MNAT1: variants seen among roughly 807,000 people sequenced by gnomAD.
The protein encoded by MNAT1 is CDK-activating kinase assembly factor MAT1.
A neutral mutation model predicts 42.0 loss-of-function variants in MNAT1; 43 were observed. The observed-to-expected ratio is 1.02, with a 90% CI of 0.80 to 1.32. MNAT1 has a LOEUF of 1.32. MNAT1 is among the 40% of genes most tolerant of loss of function. The probability of loss-of-function intolerance (pLI) is 0.00; values close to 1 mark genes in which losing one functional copy is unlikely to be tolerated. For missense variants in MNAT1, 306 were observed against 350.4 expected (o/e 0.87, Z 1.01); for synonymous variants, 118 against 120.0 (o/e 0.98, Z 0.11).
chr14:60,839,427 G>C (rs1377090594), intron 6 of MNAT1, among the ~76,000 whole-genome samples: 3 of 152,164 alleles, frequency 2.0e-5, no homozygotes, highest in Non-Finnish European at 4.4e-5. Context: ...CTTTTGTTCA[G>C]TAAAGCTCCT....
chr14:60,789,824 A>T (rs1334438726), intron 1 of MNAT1, among the ~76,000 whole-genome samples: 3 of 152,198 alleles, frequency 2.0e-5, no homozygotes, highest in Non-Finnish European at 4.4e-5. Flanking sequence ...AGCATTTGGA[A>T]TATGATGTGT....
At chr14:60,892,522 C>A (rs2034867774) in intron 7 of MNAT1, among the ~76,000 whole-genome samples, 1 of 151,988 alleles carries the variant, frequency 6.6e-6, no homozygotes, top group Non-Finnish European at 1.5e-5. Flanking sequence ...ATAGTTGGAT[C>A]ATGGTTTTAT....
At chr14:60,895,369 T>C (rs2034931264) in intron 7 of MNAT1, among the ~76,000 whole-genome samples, 1 of 152,182 alleles carries the variant, frequency 6.6e-6, no homozygotes, top group African/African-American at 2.4e-5. Context: ...TGATTTGAGG[T>C]GCTGTTCATA....
chr14:60,857,749 G>A (rs1031448149), intron 6 of MNAT1, among the ~76,000 whole-genome samples: 16 of 137,682 alleles, frequency 1.2e-4, no homozygotes, highest in East Asian at 4.7e-4. Context: ...GACAGGCCCC[G>A]GTGTGTGATG....
At chr14:60,926,402 T>C (rs1286261388) in intron 7 of MNAT1, among the ~76,000 whole-genome samples, 1 of 152,166 alleles carries the variant, frequency 6.6e-6, no homozygotes, top group African/African-American at 2.4e-5. Context: ...TGCCCTCCAC[T>C]TCAGATGCCA....
intron 1 of MNAT1, among the ~76,000 whole-genome samples, chr14:60,793,789 C>G (rs2031907611): frequency 6.6e-6 from 1 of 151,912 alleles, no homozygotes; most frequent in Admixed American, 6.6e-5. Context: ...AAGTGAGATA[C>G]AGAACACAAT....
chr14:60,869,040 A>T (rs201010541), intron 6 of MNAT1, among the ~76,000 whole-genome samples: 8,707 of 113,244 alleles, frequency 0.077, 678 homozygotes, highest in East Asian at 0.15. Context: ...ATATATATAT[A>T]TTTTTTTTTT....
intron 6 of MNAT1, among the ~76,000 whole-genome samples, chr14:60,823,094 T>TG (rs1310447474): frequency 6.6e-6 from 1 of 152,134 alleles, no homozygotes; most frequent in Non-Finnish European, 1.5e-5. Context: ...CAGCTCATCT[T>TG]GGAGCAAATT....
intron 6 of MNAT1, among the ~76,000 whole-genome samples, chr14:60,852,630 T>A (rs1360464401): frequency 6.6e-6 from 1 of 152,216 alleles, no homozygotes; most frequent in Non-Finnish European, 1.5e-5. Context: ...TATGCCTATA[T>A]GATGAATGGT....
At chr14:60,863,279 G>C (rs1168603508) in intron 6 of MNAT1, among the ~76,000 whole-genome samples, 1 of 152,076 alleles carries the variant, frequency 6.6e-6, no homozygotes, top group Admixed American at 6.6e-5. Context: ...TAGCTTACCT[G>C]GGGTTATATT....
intron 6 of MNAT1, among the ~76,000 whole-genome samples, chr14:60,851,417 A>G (rs1424894208): frequency 1.1e-5 from 1 of 95,044 alleles, no homozygotes; most frequent in Admixed American, 1.2e-4. Flanking sequence ...GTTTCTGGCA[A>G]TCCTGTATGG....
chr14:60,739,651 T>C (rs1896409285), intron 1 of MNAT1, among the ~76,000 whole-genome samples: 1 of 152,218 alleles, frequency 6.6e-6, no homozygotes, highest in Admixed American at 6.5e-5. Flanking sequence ...ACAAATGAAT[T>C]GATTGTATGC....
intron 7 of MNAT1, among the ~76,000 whole-genome samples, chr14:60,908,486 CA>C (rs1257240737): frequency 6.6e-6 from 1 of 151,504 alleles, no homozygotes; most frequent in African/African-American, 2.4e-5. Context: ...CCCGACCCCA[CA>C]ACAGGCCCCG....
intron 7 of MNAT1, 160 bp downstream of exon 7, chr14:60,879,995 T>A: frequency 3.3e-6 from 2 of 614,054 alleles, no homozygotes; most frequent in Non-Finnish European, 4.9e-6. Flanking sequence ...TTTAGTACAT[T>A]AATTTTTCTG....
At chr14:60,955,473 C>A (rs1255382590) in intron 7 of MNAT1, among the ~76,000 whole-genome samples, 1 of 152,018 alleles carries the variant, frequency 6.6e-6, no homozygotes, top group Non-Finnish European at 1.5e-5. Flanking sequence ...ACCAGCCTGG[C>A]CAACATGGTG....
At chr14:60,954,226 A>G (rs1158646720) in intron 7 of MNAT1, among the ~76,000 whole-genome samples, 9 of 152,048 alleles carry the variant, frequency 5.9e-5, no homozygotes, top group Admixed American at 3.9e-4. Context: ...TCTTTTCTCT[A>G]TTTCTGTGAA....
intron 1 of MNAT1, among the ~76,000 whole-genome samples, chr14:60,782,047 A>G (rs149236107): frequency 3.7e-4 from 56 of 151,460 alleles, no homozygotes; most frequent in African/African-American, 1.3e-3. Context: ...ACATGAATCC[A>G]TAGACATCTT....
intron 1 of MNAT1, among the ~76,000 whole-genome samples, chr14:60,754,933 T>C (rs924203360): frequency 6.6e-6 from 1 of 152,212 alleles, no homozygotes; most frequent in African/African-American, 2.4e-5. Context: ...ACTTTCACCT[T>C]GTTAATAGAT....
At chr14:60,896,572 G>A (rs1240854770) in intron 7 of MNAT1, among the ~76,000 whole-genome samples, 1 of 151,824 alleles carries the variant, frequency 6.6e-6, no homozygotes, top group Non-Finnish European at 1.5e-5. Flanking sequence ...TGCAACCTCC[G>A]CTTCCTGGGT....
Sources: gnomAD v4.1 joint callset for allele counts (sites outside exome capture counted in the v4.1 genomes callset) on GRCh38, gnomAD v4.1.1 for gene constraint, MANE v1.5 for transcripts, NCBI Gene and HGNC (gene_info 2026-07-23, HGNC 2026-07-21) for gene names.